Variants in CFAP97D2 observed in about 807,000 individuals in gnomAD.
CFAP97D2 encodes uncharacterized protein CFAP97D2.
chr13:114,197,397 T>C (rs191820589), intron 2 of CFAP97D2, among the ~76,000 whole-genome samples: 66 of 152,282 alleles, frequency 4.3e-4, no homozygotes, highest in African/African-American at 1.3e-3. Flanking sequence ...CTAAATTCCA[T>C]TGGGAGCAGG....
At chr13:114,182,449 G>C (rs1416207593) in intron 1 of CFAP97D2, among the ~76,000 whole-genome samples, 1 of 151,802 alleles carries the variant, frequency 6.6e-6, no homozygotes, top group South Asian at 2.1e-4. Flanking sequence ...ACTGCAAGAG[G>C]CCTTCCTCTT....
At chr13:114,191,148 C>T (rs995868516) in intron 1 of CFAP97D2, among the ~76,000 whole-genome samples, 1 of 151,944 alleles carries the variant, frequency 6.6e-6, no homozygotes, top group African/African-American at 2.4e-5. Flanking sequence ...TATAAGAGAA[C>T]ACCTAGAGGA....
In CFAP97D2 at chr13:114,189,214, A is replaced by C. The variant is rs2138754371; in HGVS notation, c.91-7182A>C. Among the ~76,000 whole-genome samples, 1 of 152,198 alleles carries C rather than the reference A, an allele frequency of 6.6e-6. No homozygotes were observed. Among genetic ancestry groups the C allele is most frequent in the Middle Eastern group, 3.4e-3 (1 of 294 alleles). Reference sequence around the variant, plus strand: ...ATAAAGGGATACTATGAACAAATTTATGCCCACAAATTTGATAACCTAAAT... The same window carrying C: ...ATAAAGGGATACTATGAACAAATTTCTGCCCACAAATTTGATAACCTAAAT... On this transcript the variant is annotated intron_variant, in intron 1 of 4. Coordinates refer to ENST00000646158, the Ensembl canonical transcript of CFAP97D2. The surrounding 1 kb of genome is among the most constrained non-coding windows in gnomAD (Gnocchi z 4.5).
chr13:114,218,813 T>A (rs1464134901), intron 4 of CFAP97D2, among the ~76,000 whole-genome samples: 2 of 152,208 alleles, frequency 1.3e-5, no homozygotes, highest in Admixed American at 1.3e-4. Context: ...CTGGGAAAAC[T>A]GGCTAGCCAC....
chr13:114,182,238 G>C lies in CFAP97D2; in HGVS notation c.90+2818G>C, dbSNP rs7329370. Among the ~76,000 whole-genome samples, 3 of 148,350 alleles carry C rather than the reference G, an allele frequency of 2.0e-5. 1 individual carries two copies. The highest frequency in any genetic ancestry group is 3.9e-4 in the East Asian group (2 of 5,114). On this transcript the variant is annotated intron_variant, in intron 1 of 4. Transcript: ENST00000646158. Reference sequence around the variant, plus strand: ...GGTACTATGCCTGGATGTGCACGTAGGCCAGATTTATGTTTCTCTCCGCCC... The same window carrying C: ...GGTACTATGCCTGGATGTGCACGTACGCCAGATTTATGTTTCTCTCCGCCC...
At chr13:114,197,830 A>T (rs978004728) in intron 2 of CFAP97D2, among the ~76,000 whole-genome samples, 3 of 144,522 alleles carry the variant, frequency 2.1e-5, no homozygotes, top group Admixed American at 1.3e-4. Context: ...TTACAGGCGC[A>T]CCCACCATCA....
intron 1 of CFAP97D2, among the ~76,000 whole-genome samples, chr13:114,193,572 C>G (rs1262915873): frequency 6.6e-6 from 1 of 152,088 alleles, no homozygotes; most frequent in African/African-American, 2.4e-5. Context: ...CCCAAAAGCC[C>G]TTTTTATAGT....
At chr13:114,182,032 G>A (rs149433398) in intron 1 of CFAP97D2, among the ~76,000 whole-genome samples, 2,688 of 152,018 alleles carry the variant, frequency 0.018, 100 homozygotes, top group African/African-American at 0.061. Flanking sequence ...CCAGGGGACC[G>A]GCGCTCAGCA....
chr13:114,206,691 A>G (rs1411076932), intron 3 of CFAP97D2, among the ~76,000 whole-genome samples: 1 of 152,222 alleles, frequency 6.6e-6, no homozygotes, highest in Non-Finnish European at 1.5e-5. Flanking sequence ...TAAAGGGTCC[A>G]GGGCTCCCTA....
intron 4 of CFAP97D2, among the ~76,000 whole-genome samples, chr13:114,218,432 G>A (rs1484140881): frequency 6.6e-6 from 1 of 152,188 alleles, no homozygotes; most frequent in Non-Finnish European, 1.5e-5. Context: ...AATCAATATA[G>A]TGAAAATGGC....
intron 4 of CFAP97D2, among the ~76,000 whole-genome samples, chr13:114,216,094 G>A (rs1458174443): frequency 5.3e-5 from 8 of 152,066 alleles, no homozygotes; most frequent in South Asian, 2.1e-4. Context: ...GACTGAATTC[G>A]TGCATGAGAG....
intron 1 of CFAP97D2, among the ~76,000 whole-genome samples, chr13:114,192,352 G>A (rs2080872813): frequency 6.6e-6 from 1 of 152,154 alleles, no homozygotes; most frequent in Non-Finnish European, 1.5e-5. Flanking sequence ...GGAAATATCT[G>A]TACCTTTCTC....
chr13:114,208,245 A>G (rs575395050), intron 3 of CFAP97D2, among the ~76,000 whole-genome samples: 87 of 152,372 alleles, frequency 5.7e-4, no homozygotes, highest in African/African-American at 1.9e-3. Context: ...TCAGCACTCA[A>G]TAAAAGTCAG....
chr13:114,221,044 C>T (rs577818241), intron 4 of CFAP97D2, among the ~76,000 whole-genome samples: 14 of 152,264 alleles, frequency 9.2e-5, no homozygotes, highest in Non-Finnish European at 1.9e-4. Flanking sequence ...TTCAGGAGAT[C>T]GAGACCATCC....
intron 1 of CFAP97D2, among the ~76,000 whole-genome samples, chr13:114,183,359 G>A (rs1191583431): frequency 1.3e-5 from 2 of 151,954 alleles, no homozygotes; most frequent in African/African-American, 4.8e-5. Context: ...GTGGAGATAG[G>A]GTTTCACCAT....
intron 1 of CFAP97D2, among the ~76,000 whole-genome samples, chr13:114,181,541 C>T (rs57048335): frequency 0.074 from 11,214 of 152,156 alleles, 420 homozygotes; most frequent in Middle Eastern, 0.17. Flanking sequence ...GAGGAGCAGC[C>T]GGGGCTGGAA....
chr13:114,204,995 T>C (rs142009044), intron 3 of CFAP97D2, among the ~76,000 whole-genome samples: 23 of 152,280 alleles, frequency 1.5e-4, no homozygotes, highest in African/African-American at 4.8e-4. Context: ...AATGACCTCA[T>C]TAAAAGATGG....
intron 4 of CFAP97D2, among the ~76,000 whole-genome samples, chr13:114,213,679 T>C (rs1453401810): frequency 1.3e-3 from 75 of 59,854 alleles, no homozygotes; most frequent in South Asian, 1.8e-3. Flanking sequence ...TCCAGGACCA[T>C]GAACCCCACC....
At chr13:114,199,825 G>C (rs369842500) in intron 2 of CFAP97D2, 1 of 40,826 alleles carries the variant, frequency 2.4e-5, no homozygotes, top group Admixed American at 2.8e-4. Flanking sequence ...GTCCCCGTGC[G>C]TACGGTCCCC....
Sources: gnomAD v4.1 joint callset for allele counts (sites outside exome capture counted in the v4.1 genomes callset) on GRCh38, gnomAD v4.1.1 for gene constraint, Gnocchi (gnomAD v3.1) non-coding constraint, MANE v1.5 for transcripts, NCBI Gene and HGNC (gene_info 2026-07-23, HGNC 2026-07-21) for gene names.